Variants in CCDC102B observed in about 807,000 individuals in gnomAD.
CCDC102B encodes coiled-coil domain containing 102B, also known as coiled-coil domain-containing protein 102B.
CCDC102B carries 75 observed loss-of-function variants against 57.4 expected under a neutral mutation model. That is an observed-to-expected ratio of 1.31 (90% CI 1.08 to 1.58). The LOEUF is 1.58. CCDC102B is among the 40% of genes most tolerant of loss of function. The pLI is 0.00. For synonymous variants in CCDC102B, 206 were observed against 201.9 expected, an observed-to-expected ratio of 1.02 and a Z score of -0.17; for missense variants, 636 against 582.6, an observed-to-expected ratio of 1.09 and a Z score of -0.94.
At chr18:69,026,321 C>A (rs1363275831) in intron 7 of CCDC102B, among the ~76,000 whole-genome samples, 1 of 151,826 alleles carries the variant, frequency 6.6e-6, no homozygotes, top group African/African-American at 2.4e-5. Flanking sequence ...CAAAAATTAG[C>A]TGGCCTATGG....
At chr18:68,762,277 A>G (rs554318118) in intron 2 of CCDC102B, among the ~76,000 whole-genome samples, 14 of 152,286 alleles carry the variant, frequency 9.2e-5, no homozygotes, top group African/African-American at 3.4e-4. Flanking sequence ...TCCTCTATTT[A>G]CGGAGAACAT....
At chr18:68,823,756 G>T (rs563836002) in intron 1 of CCDC102B, among the ~76,000 whole-genome samples, 1 of 152,214 alleles carries the variant, frequency 6.6e-6, no homozygotes, top group South Asian at 2.1e-4. Context: ...ATTCTAACTT[G>T]TGTGAGATGG....
At chr18:68,929,930 T>C (rs961973361) in intron 6 of CCDC102B, among the ~76,000 whole-genome samples, 1 of 151,896 alleles carries the variant, frequency 6.6e-6, no homozygotes, top group African/African-American at 2.4e-5. Context: ...AATATATTAA[T>C]GTAAGGAGAA....
At chr18:68,870,172 A>C (rs557759422) in intron 4 of CCDC102B, among the ~76,000 whole-genome samples, 1 of 152,076 alleles carries the variant, frequency 6.6e-6, no homozygotes, top group African/African-American at 2.4e-5. Context: ...AGGGAGGGGA[A>C]CATCACACAC....
At chr18:68,871,937 C>T (rs761320341) in intron 4 of CCDC102B, among the ~76,000 whole-genome samples, 7 of 151,928 alleles carry the variant, frequency 4.6e-5, no homozygotes, top group South Asian at 2.1e-4. Context: ...TTAAAATAAC[C>T]GAAGTAATAG....
At chr18:68,930,959 AC>A (rs2041653282) in intron 6 of CCDC102B, among the ~76,000 whole-genome samples, 1 of 151,760 alleles carries the variant, frequency 6.6e-6, no homozygotes, top group Non-Finnish European at 1.5e-5. Flanking sequence ...TGAAAAGTCT[AC>A]TTTATTTTAA....
chr18:68,790,691 T>C (rs1054805930), intron 2 of CCDC102B, among the ~76,000 whole-genome samples: 14 of 152,122 alleles, frequency 9.2e-5, no homozygotes, highest in South Asian at 4.1e-4. Flanking sequence ...CTTCGGCTCG[T>C]GCACGGTGCG....
chr18:68,881,030 C>T (rs541872715), intron 5 of CCDC102B, among the ~76,000 whole-genome samples: 13 of 152,234 alleles, frequency 8.5e-5, no homozygotes, highest in South Asian at 2.1e-4. Flanking sequence ...TTTAGGCTTT[C>T]TAGAAATCAC....
At chr18:68,966,230 C>A (rs2050163127) in intron 6 of CCDC102B, among the ~76,000 whole-genome samples, 1 of 152,094 alleles carries the variant, frequency 6.6e-6, no homozygotes, top group African/African-American at 2.4e-5. Flanking sequence ...TATATTGGGT[C>A]TACTGGTAAT....
At chr18:68,791,219 G>A (rs1441548329) in intron 2 of CCDC102B, among the ~76,000 whole-genome samples, 1 of 152,180 alleles carries the variant, frequency 6.6e-6, no homozygotes, top group Non-Finnish European at 1.5e-5. Flanking sequence ...TCAGAAATGA[G>A]ATATGTTTTC....
rs536231309 is a variant in CCDC102B, at chr18:69,031,681, T to C, written c.1434+20577T>C. On this transcript the variant is annotated intron_variant, in intron 7 of 7. Coordinates refer to ENST00000360242, the MANE Select transcript of CCDC102B (RefSeq NM_024781.3). ...CTTGGGGCTCTTAATAAAATTGCTA[T>C]TTCTTATGTTCTATGAAGGTTTCAC... Among the ~76,000 whole-genome samples, 45 of 152,276 alleles carry C rather than the reference T, an allele frequency of 3.0e-4. No homozygotes were observed. The South Asian group carries it at 7.7e-3, about 26-fold the overall frequency.
intron 6 of CCDC102B, among the ~76,000 whole-genome samples, chr18:68,911,640 T>C (rs1435220406): frequency 6.1e-4 from 88 of 145,094 alleles, no homozygotes; most frequent in Admixed American, 7.5e-4. Flanking sequence ...TAGTCCCAGC[T>C]ACTCGAGAGG....
chr18:68,918,112 T>C (rs1011827835), intron 6 of CCDC102B, among the ~76,000 whole-genome samples: 2 of 152,130 alleles, frequency 1.3e-5, no homozygotes, highest in African/African-American at 4.8e-5. Context: ...GTAAAGACAA[T>C]TAGAAAATTC....
At chr18:68,825,564 C>T (rs985623725) in intron 1 of CCDC102B, among the ~76,000 whole-genome samples, 1 of 152,130 alleles carries the variant, frequency 6.6e-6, no homozygotes. Context: ...GTGGTGCGTG[C>T]CTGTAGCCCC....
chr18:68,821,198 G>GA (rs570177395), intron 1 of CCDC102B, among the ~76,000 whole-genome samples: 519 of 151,834 alleles, frequency 3.4e-3, no homozygotes, highest in African/African-American at 0.012. Context: ...AGTCAGAAAA[G>GA]AAAAAACACT....
At chr18:68,945,120 C>T (rs2049499075) in intron 6 of CCDC102B, among the ~76,000 whole-genome samples, 1 of 42,680 alleles carries the variant, frequency 2.3e-5, no homozygotes, top group African/African-American at 6.3e-5. Flanking sequence ...GTCTCTCTCT[C>T]TCCACACACA....
intron 2 of CCDC102B, among the ~76,000 whole-genome samples, chr18:68,782,059 T>C (rs1160511841): frequency 6.6e-6 from 1 of 152,126 alleles, no homozygotes; most frequent in African/African-American, 2.4e-5. Context: ...GAATGCAATT[T>C]CTCTTTGAAG....
chr18:68,992,768 G>T, intron 6 of CCDC102B: 1 of 158,478 alleles, frequency 6.3e-6, no homozygotes, highest in South Asian at 1.7e-4. Flanking sequence ...CAGCAGGTGT[G>T]AATATGTGTC....
At chr18:68,765,221 CAAGA>C (rs368183511) in intron 2 of CCDC102B, among the ~76,000 whole-genome samples, 66 of 141,656 alleles carry the variant, frequency 4.7e-4, no homozygotes, top group Non-Finnish European at 6.4e-4. Flanking sequence ...GAGAATTTGT[CAAGA>C]AAGAAAGAAA....
Sources: allele counts gnomAD v4.1 joint callset (sites outside exome capture counted in the v4.1 genomes callset), GRCh38; gene constraint gnomAD v4.1.1; transcripts MANE v1.5; gene names NCBI Gene and HGNC (gene_info 2026-07-23, HGNC 2026-07-21).